Variants in PTPRM observed in about 807,000 individuals in gnomAD.
PTPRM encodes protein tyrosine phosphatase receptor type M.
In PTPRM, 47 loss-of-function variants were observed where a neutral mutation model predicts 186.7. The ratio of observed to expected loss-of-function variants is 0.25; its 90% CI spans 0.20 to 0.32. The LOEUF (loss-of-function observed/expected upper bound fraction) is 0.32, where lower values mean the gene tolerates loss of function less well. Among genes scored for constraint, PTPRM ranks in the 10% least tolerant of loss-of-function variants. PTPRM has a pLI of 1.00. For missense variants in PTPRM, 1,494 were observed against 1,865.0 expected (o/e 0.80, Z 3.66); for synonymous variants, 668 against 674.9 (o/e 0.99, Z 0.16).
chr18:8,122,422 T>C (rs1258416814), intron 13 of PTPRM: 1 of 152,466 alleles, frequency 6.6e-6, no homozygotes, highest in African/African-American at 2.4e-5. Flanking sequence ...CTGTTTACAA[T>C]GTTTCAGACC....
At chr18:8,384,807 C>A (rs1285873513) in intron 30 of PTPRM, 121 bp downstream of exon 30, 13 of 1,261,556 alleles carry the variant, frequency 1.0e-5, no homozygotes, top group Middle Eastern at 2.1e-4. Flanking sequence ...TGTCAGTGAA[C>A]CAAAAAAACA....
intron 14 of PTPRM, among the ~76,000 whole-genome samples, chr18:8,187,512 A>G (rs2093658518): frequency 6.6e-6 from 1 of 152,224 alleles, no homozygotes; most frequent in Non-Finnish European, 1.5e-5. Flanking sequence ...TAAGTAGCGT[A>G]GAAACCTCTA....
chr18:7,785,127 TG>T, intron 2 of PTPRM, among the ~76,000 whole-genome samples: 1 of 152,086 alleles, frequency 6.6e-6, no homozygotes, highest in Non-Finnish European at 1.5e-5. Context: ...GTACATGGAA[TG>T]GGAAGAGGAA....
chr18:7,689,498 G>A (rs4480882), intron 1 of PTPRM, among the ~76,000 whole-genome samples: 5,856 of 152,266 alleles, frequency 0.038, 281 homozygotes, highest in East Asian at 0.1. Context: ...CTCCACAAAT[G>A]CTTTTAAAAT....
chr18:8,105,724 G>T (rs2091485392), intron 11 of PTPRM, among the ~76,000 whole-genome samples: 1 of 152,194 alleles, frequency 6.6e-6, no homozygotes. Flanking sequence ...CTGTGGGAGG[G>T]TGTACAGGGA....
At chr18:7,654,692 T>G (rs2144319512) in intron 1 of PTPRM, among the ~76,000 whole-genome samples, 1 of 152,326 alleles carries the variant, frequency 6.6e-6, no homozygotes, top group Non-Finnish European at 1.5e-5. Context: ...ACCAGTGCCA[T>G]TTATTGAATA....
chr18:8,179,759 T>C (rs1830740152), intron 14 of PTPRM, among the ~76,000 whole-genome samples: 1 of 152,218 alleles, frequency 6.6e-6, no homozygotes, highest in African/African-American at 2.4e-5. Context: ...TGAGCCACTG[T>C]GCCCGGCCTA....
intron 20 of PTPRM, among the ~76,000 whole-genome samples, chr18:8,305,959 G>A (rs902831538): frequency 6.6e-6 from 1 of 151,418 alleles, no homozygotes; most frequent in East Asian, 1.9e-4. Flanking sequence ...GTGCAATGGT[G>A]CGATCTCAGC....
At chr18:8,119,043 C>T (rs1452709874) in intron 13 of PTPRM, among the ~76,000 whole-genome samples, 1 of 151,518 alleles carries the variant, frequency 6.6e-6, no homozygotes, top group Non-Finnish European at 1.5e-5. Flanking sequence ...AGACTGTAAG[C>T]CTTAAACAAA....
intron 20 of PTPRM, among the ~76,000 whole-genome samples, chr18:8,306,293 A>C (rs968514923): frequency 6.6e-6 from 1 of 152,170 alleles, no homozygotes; most frequent in Non-Finnish European, 1.5e-5. Flanking sequence ...CTCCTAGGAA[A>C]GTAGCCCCTT....
At chr18:8,104,024 C>G (rs1283818350) in intron 11 of PTPRM, among the ~76,000 whole-genome samples, 1 of 152,128 alleles carries the variant, frequency 6.6e-6, no homozygotes, top group Non-Finnish European at 1.5e-5. Context: ...TCATAGCACC[C>G]CAAAACAATT....
chr18:7,931,138 C>T (rs978366040), intron 5 of PTPRM, among the ~76,000 whole-genome samples: 6 of 152,190 alleles, frequency 3.9e-5, no homozygotes, highest in African/African-American at 9.6e-5. Context: ...GATATGTTAT[C>T]GGATATGGCA....
chr18:8,025,144 A>T (rs539807285), intron 7 of PTPRM, among the ~76,000 whole-genome samples: 1 of 152,168 alleles, frequency 6.6e-6, no homozygotes, highest in African/African-American at 2.4e-5. Context: ...CAAAATGTGC[A>T]TTTTTTTAGA....
intron 1 of PTPRM, among the ~76,000 whole-genome samples, chr18:7,723,731 C>T (rs767913885): frequency 4.6e-5 from 7 of 152,170 alleles, no homozygotes; most frequent in South Asian, 2.1e-4. Flanking sequence ...ATGTTCCTTG[C>T]GCCACTTCCA....
intron 7 of PTPRM, among the ~76,000 whole-genome samples, chr18:7,994,051 C>T (rs1390399974): frequency 6.6e-6 from 1 of 151,974 alleles, no homozygotes; most frequent in Non-Finnish European, 1.5e-5. Context: ...TAGCAAGACC[C>T]AACCATATTC....
intron 7 of PTPRM, among the ~76,000 whole-genome samples, chr18:8,024,301 C>T (rs1283238017): frequency 6.6e-6 from 1 of 151,940 alleles, no homozygotes; most frequent in African/African-American, 2.4e-5. Context: ...TTCTGACAGC[C>T]ATATCATTTG....
chr18:7,982,773 A>G (rs7238517), intron 7 of PTPRM, among the ~76,000 whole-genome samples: 11,066 of 152,116 alleles, frequency 0.073, 514 homozygotes, highest in Middle Eastern at 0.28. Context: ...AGGCGGCTGG[A>G]AGTTTTCAGC....
chr18:7,756,924 T>C (rs1457422993), intron 1 of PTPRM, among the ~76,000 whole-genome samples: 4 of 152,214 alleles, frequency 2.6e-5, no homozygotes, highest in Non-Finnish European at 5.9e-5. Context: ...TCCTGCCCAG[T>C]GTGGACCCCA....
rs554344850 is a variant in PTPRM at position 8,150,113 on chromosome 18, G to A, written c.2300+6334G>A. Among the ~76,000 whole-genome samples, 299 of 152,056 alleles carry A rather than the reference G, an allele frequency of 2.0e-3. 1 individual carries two copies. The highest frequency in any genetic ancestry group is 0.017 in the Middle Eastern group (5 of 294). Reference sequence around the variant, plus strand: ...TCATTTCAACCTTGGTGAGTCTGACGATTATGTCTTGGGGTTGCTGTTCTC... The same window carrying A: ...TCATTTCAACCTTGGTGAGTCTGACAATTATGTCTTGGGGTTGCTGTTCTC... On this transcript the variant is annotated intron_variant, in intron 14 of 32. Transcript: ENST00000580170.
Sources: gnomAD v4.1 joint callset for allele counts (sites outside exome capture counted in the v4.1 genomes callset) on GRCh38, gnomAD v4.1.1 for gene constraint, MANE v1.5 for transcripts, NCBI Gene and HGNC (gene_info 2026-07-23, HGNC 2026-07-21) for gene names.